Variants in STAU2 observed in about 807,000 individuals in gnomAD.
The protein encoded by STAU2 is staufen double-stranded RNA binding protein 2, also known as double-stranded RNA-binding protein Staufen homolog 2.
Under a neutral mutation model 65.9 loss-of-function variants are expected in STAU2, and 20 were observed. The observed-to-expected ratio is 0.30, with a 90% CI of 0.21 to 0.44. The LOEUF (loss-of-function observed/expected upper bound fraction) is 0.44. Ranked by LOEUF, STAU2 falls within the 20% of genes least tolerant of loss-of-function variation. The pLI is 1.00. For synonymous variants in STAU2, 232 were observed against 233.9 expected, an observed-to-expected ratio of 0.99 and a Z score of 0.07; for missense variants, 558 against 683.9, an observed-to-expected ratio of 0.82 and a Z score of 2.05.
chr8:73,474,755 T>C (rs1475372923), intron 13 of STAU2, among the ~76,000 whole-genome samples: 1 of 152,212 alleles, frequency 6.6e-6, no homozygotes, highest in Non-Finnish European at 1.5e-5. Flanking sequence ...GTAGCCTATA[T>C]GCCAAAGTAG....
intron 13 of STAU2, among the ~76,000 whole-genome samples, chr8:73,512,265 C>T (rs1277121129): frequency 6.6e-6 from 1 of 152,140 alleles, no homozygotes; most frequent in Non-Finnish European, 1.5e-5. Flanking sequence ...TTAAGATCAG[C>T]TTGTCAACTG....
intron 13 of STAU2, among the ~76,000 whole-genome samples, chr8:73,473,596 G>A (rs952169431): frequency 5.3e-5 from 8 of 152,132 alleles, no homozygotes; most frequent in Non-Finnish European, 5.9e-5. Context: ...CTTCTTCCCC[G>A]GGAAGCCCTC....
At chr8:73,564,212 A>G (rs1313005523) in intron 12 of STAU2, among the ~76,000 whole-genome samples, 1 of 152,212 alleles carries the variant, frequency 6.6e-6, no homozygotes, top group Admixed American at 6.5e-5. Flanking sequence ...GAGTGCCGAC[A>G]GAGCCAGCAT....
chr8:73,692,210 T>TC (rs1563510744), intron 4 of STAU2, among the ~76,000 whole-genome samples: 32 of 151,932 alleles, frequency 2.1e-4, no homozygotes, highest in African/African-American at 5.5e-4. Context: ...TTTTTTTTTT[T>TC]TCCCCGGAGA....
chr8:73,612,908 A>G (rs945742125), intron 9 of STAU2, among the ~76,000 whole-genome samples: 1 of 152,202 alleles, frequency 6.6e-6, no homozygotes, highest in African/African-American at 2.4e-5. Flanking sequence ...AGCTCCAGAC[A>G]TGTCATACGT....
intron 8 of STAU2, 62 bp from the exon 9 acceptor site, chr8:73,614,018 T>A: frequency 7.5e-7 from 1 of 1,337,174 alleles, no homozygotes; most frequent in Admixed American, 2.7e-5. Flanking sequence ...TCTTAAAGTA[T>A]GACTTAATAT....
At chr8:73,610,007 A>G (rs1486088840) in intron 9 of STAU2, among the ~76,000 whole-genome samples, 1 of 152,056 alleles carries the variant, frequency 6.6e-6, no homozygotes, top group African/African-American at 2.4e-5. Context: ...GGCTGGGCAC[A>G]GTGGCTCATG....
upstream of STAU2, among the ~76,000 whole-genome samples, chr8:73,747,126 C>T (rs1807346191): frequency 6.6e-6 from 1 of 151,898 alleles, no homozygotes; most frequent in Non-Finnish European, 1.5e-5. Context: ...GCTGCAGGCT[C>T]TGCGGGGCTA....
intron 13 of STAU2, among the ~76,000 whole-genome samples, chr8:73,476,974 T>G (rs1820355217): frequency 6.6e-6 from 1 of 152,224 alleles, no homozygotes; most frequent in Admixed American, 6.5e-5. Flanking sequence ...GTGAAGTTAA[T>G]TCATTCAACA....
At chr8:73,503,868 C>G (rs1821898429) in intron 13 of STAU2, among the ~76,000 whole-genome samples, 1 of 152,050 alleles carries the variant, frequency 6.6e-6, no homozygotes, top group Non-Finnish European at 1.5e-5. Context: ...TTCTCTTTGA[C>G]AGTCCCAGGG....
chr8:73,570,902 AG>A (rs1809029833), intron 12 of STAU2, among the ~76,000 whole-genome samples: 1 of 152,222 alleles, frequency 6.6e-6, no homozygotes, highest in Admixed American at 6.5e-5. Context: ...GCAAATGCTG[AG>A]AGATTTTAGT....
chr8:73,476,195 C>G (rs62508173), intron 13 of STAU2, among the ~76,000 whole-genome samples: 6,016 of 152,216 alleles, frequency 0.04, 245 homozygotes, highest in African/African-American at 0.1. Flanking sequence ...GACCTCAGAG[C>G]ACCCAGAACA....
chr8:73,514,337 T>C (rs955225041), intron 13 of STAU2, among the ~76,000 whole-genome samples: 1 of 152,200 alleles, frequency 6.6e-6, no homozygotes, highest in African/African-American at 2.4e-5. Flanking sequence ...GCTAGATTGA[T>C]CTTATAGACA....
intron 3 of STAU2, among the ~76,000 whole-genome samples, chr8:73,731,677 C>A (rs534152267): frequency 3.4e-4 from 51 of 152,146 alleles, no homozygotes; most frequent in Non-Finnish European, 4.4e-4. Context: ...GTGACTCACG[C>A]CTGTAATTCC....
At chr8:73,478,113 C>A (rs532523708) in intron 13 of STAU2, among the ~76,000 whole-genome samples, 47 of 150,258 alleles carry the variant, frequency 3.1e-4, no homozygotes, top group African/African-American at 1.1e-3. Context: ...AATTTGGGGA[C>A]AAGTTTTTAT....
rs1807369643 is a variant in STAU2, at chr8:73,552,031, G to A, written c.1511C>T (p.Ala504Val). The change falls in exon 13 of 15, where the codon GCA becomes GTA. Residue 504 changes from alanine (A) to valine (V), a missense_variant. Transcript: ENST00000524300. The part of the protein sequence containing the change: ...VQPSKQLEYL[A>V]RIQGFQAALS... ...TCATACCTGAAAGCCTTGAATCCTT[G>A]CTAAATATTCCAGTTGTTTTGAAGG... 6.4e-7 allele frequency: 1 copy of A among 1,569,698 alleles called. No individual in the cohort carries two copies. The highest frequency in any genetic ancestry group is 1.4e-5 in the African/African-American group (1 of 73,036).
intron 12 of STAU2, among the ~76,000 whole-genome samples, chr8:73,574,794 T>C (rs1044167563): frequency 6.6e-6 from 1 of 151,970 alleles, no homozygotes; most frequent in Non-Finnish European, 1.5e-5. Flanking sequence ...CATTAGGAGA[T>C]ATACCTAATG....
chr8:73,467,096 T>C (rs921715232), intron 13 of STAU2, among the ~76,000 whole-genome samples: 2 of 152,268 alleles, frequency 1.3e-5, no homozygotes, highest in African/African-American at 2.4e-5. Flanking sequence ...TTCCCATAAG[T>C]TGACATCTTC....
chr8:73,573,851 G>A (rs533990120), intron 12 of STAU2, among the ~76,000 whole-genome samples: 1 of 151,922 alleles, frequency 6.6e-6, no homozygotes, highest in African/African-American at 2.4e-5. Context: ...TGGGCAAGGA[G>A]TTCATGACTA....
Sources: allele counts gnomAD v4.1 joint callset (sites outside exome capture counted in the v4.1 genomes callset), GRCh38; gene constraint gnomAD v4.1.1; transcripts MANE v1.5; gene names NCBI Gene and HGNC (gene_info 2026-07-23, HGNC 2026-07-21).